The following TMEFF1 variants were observed in gnomAD, a reference collection of about 807,000 sequenced individuals.
TMEFF1 encodes the protein tomoregulin-1.
A neutral mutation model predicts 47.5 loss-of-function variants in TMEFF1; 20 were observed. That is an observed-to-expected ratio of 0.42 (90% CI 0.30 to 0.61). The LOEUF (loss-of-function observed/expected upper bound fraction) is 0.61, where lower values mean the gene tolerates loss of function less well. Ranked by LOEUF, TMEFF1 falls within the 20% of genes least tolerant of loss-of-function variation. The pLI is 0.19. For missense variants in TMEFF1, 411 were observed against 471.1 expected (o/e 0.87, Z 1.18); for synonymous variants, 162 against 166.3 (o/e 0.97, Z 0.20).
At chr9:100,475,059 GTCT>G (rs1053951294) in intron 1 of TMEFF1, among the ~76,000 whole-genome samples, 9 of 152,074 alleles carry the variant, frequency 5.9e-5, no homozygotes, top group African/African-American at 2.2e-4. Flanking sequence ...GCCTTCTCTT[GTCT>G]TCTTTAAACC....
chr9:100,493,808 CAAAG>C (rs1176437799), intron 1 of TMEFF1, among the ~76,000 whole-genome samples: 4 of 152,198 alleles, frequency 2.6e-5, no homozygotes, highest in Admixed American at 1.3e-4. Flanking sequence ...TACTTGAAAA[CAAAG>C]AACATTCAGA....
Position 100,532,195 on chromosome 9 carries a change from T to C in TMEFF1, c.560+15424T>C, listed in dbSNP as rs564611192. ...CATAGGCATGGGCAAGGACTTCATG[T>C]CTAAAACACCAAAAGCAATGGCAAC... On this transcript the variant is annotated intron_variant, in intron 5 of 9. Transcript: ENST00000374879. Among the ~76,000 whole-genome samples the C allele has an allele frequency of 4.6e-4, 70 of 151,736 alleles. 1 individual carries two copies. In the East Asian group the frequency reaches 0.013, roughly 27 times the overall value.
intron 5 of TMEFF1, among the ~76,000 whole-genome samples, chr9:100,541,347 C>CT (rs748303966): frequency 1.5e-5 from 2 of 131,438 alleles, no homozygotes; most frequent in African/African-American, 2.8e-5. Flanking sequence ...TTGGCAATTT[C>CT]ATTTTTTTTT....
At chr9:100,571,398 G>A (rs11788350) in intron 8 of TMEFF1, among the ~76,000 whole-genome samples, 4,279 of 152,164 alleles carry the variant, frequency 0.028, 74 homozygotes, top group Middle Eastern at 0.055. Flanking sequence ...GTCACTGGAT[G>A]GAGTATTATA....
chr9:100,494,834 T>G lies in TMEFF1; in HGVS notation c.197-3931T>G, dbSNP rs530693914. On this transcript the variant is annotated intron_variant, in intron 1 of 9. Coordinates refer to ENST00000374879, the MANE Select transcript of TMEFF1 (RefSeq NM_003692.5). ...TCCATTCATGAGCTTGTGACATTCA[T>G]GACCTGACCTGTGTTCTCATGAAAC... 9.2e-5 allele frequency among the ~76,000 whole-genome samples: 14 copies of G among 152,346 alleles called. No homozygotes were observed. In the South Asian group the frequency reaches 2.7e-3, roughly 29 times the overall value.
chr9:100,574,095 G>A (rs1239543326), intron 9 of TMEFF1, among the ~76,000 whole-genome samples: 1 of 152,236 alleles, frequency 6.6e-6, no homozygotes, highest in Non-Finnish European at 1.5e-5. Flanking sequence ...AAGGTTCCAT[G>A]TTGAGTCATC....
chr9:100,484,220 C>A (rs1837402982), intron 1 of TMEFF1, among the ~76,000 whole-genome samples: 1 of 152,130 alleles, frequency 6.6e-6, no homozygotes, highest in Non-Finnish European at 1.5e-5. Context: ...ATCTGTGCTA[C>A]CCTCCATCAT....
chr9:100,533,712 C>T (rs1265199700), intron 5 of TMEFF1, among the ~76,000 whole-genome samples: 1 of 150,240 alleles, frequency 6.7e-6, no homozygotes, highest in Non-Finnish European at 1.5e-5. Context: ...TATTTTTTGT[C>T]TTTTTATTTT....
intron 5 of TMEFF1, among the ~76,000 whole-genome samples, chr9:100,521,497 C>T (rs1838159197): frequency 6.6e-6 from 1 of 152,194 alleles, no homozygotes; most frequent in Non-Finnish European, 1.5e-5. Flanking sequence ...TTGAAAACAG[C>T]CTTCCTTTAC....
chr9:100,506,832 T>TTG (rs1837873458), intron 2 of TMEFF1, among the ~76,000 whole-genome samples: 1 of 152,070 alleles, frequency 6.6e-6, no homozygotes, highest in Non-Finnish European at 1.5e-5. Context: ...TTGCCTAACT[T>TTG]TGTTAGCTTT....
intron 5 of TMEFF1, among the ~76,000 whole-genome samples, chr9:100,537,102 G>T (rs1838528007): frequency 6.6e-6 from 1 of 152,178 alleles, no homozygotes; most frequent in Non-Finnish European, 1.5e-5. Context: ...GACAATAGTG[G>T]TGACATGTTT....
At chr9:100,555,857 A>G (rs1046545265) in intron 7 of TMEFF1, among the ~76,000 whole-genome samples, 2 of 152,164 alleles carry the variant, frequency 1.3e-5, no homozygotes, top group South Asian at 4.1e-4. Context: ...GTGCTTTCAC[A>G]TATTTATGTT....
intron 8 of TMEFF1, among the ~76,000 whole-genome samples, chr9:100,564,413 A>C (rs572987499): frequency 2.6e-5 from 4 of 152,320 alleles, no homozygotes; most frequent in African/African-American, 4.8e-5. Flanking sequence ...TGATTGACTT[A>C]TTAATGCCAA....
At chr9:100,508,638 A>G (rs544656713) in intron 2 of TMEFF1, among the ~76,000 whole-genome samples, 1 of 151,626 alleles carries the variant, frequency 6.6e-6, no homozygotes, top group East Asian at 1.9e-4. Context: ...ATTTTTTTCT[A>G]TTTTTATGAT....
intron 3 of TMEFF1, among the ~76,000 whole-genome samples, chr9:100,511,029 G>A (rs1431989619): frequency 2.6e-5 from 4 of 152,198 alleles, no homozygotes; most frequent in South Asian, 4.1e-4. Flanking sequence ...GTTACCTTCC[G>A]GAAGCAGAGG....
At chr9:100,506,206 T>C (rs1250923822) in intron 2 of TMEFF1, among the ~76,000 whole-genome samples, 1 of 152,094 alleles carries the variant, frequency 6.6e-6, no homozygotes, top group African/African-American at 2.4e-5. Flanking sequence ...TTTTTAAAAG[T>C]AGATAAATGA....
At chr9:100,486,430 T>A (rs141039830) in intron 1 of TMEFF1, among the ~76,000 whole-genome samples, 2,081 of 152,142 alleles carry the variant, frequency 0.014, 19 homozygotes, top group Middle Eastern at 0.027. Context: ...TTAGTAAAGA[T>A]GGGGTTTCAC....
chr9:100,568,562 A>C (rs1165463003), intron 8 of TMEFF1, among the ~76,000 whole-genome samples: 9 of 150,570 alleles, frequency 6.0e-5, no homozygotes, highest in Non-Finnish European at 1.3e-4. Flanking sequence ...TTTTGTGTCA[A>C]CTGTCCTCCC....
chr9:100,475,239 G>T, intron 1 of TMEFF1, among the ~76,000 whole-genome samples: 1 of 152,096 alleles, frequency 6.6e-6, no homozygotes, highest in East Asian at 1.9e-4. Flanking sequence ...CAAGCCTTTG[G>T]CCCGCTATTT....
Sources: gnomAD v4.1 joint callset for allele counts (sites outside exome capture counted in the v4.1 genomes callset) on GRCh38, gnomAD v4.1.1 for gene constraint, MANE v1.5 for transcripts, NCBI Gene and HGNC (gene_info 2026-07-23, HGNC 2026-07-21) for gene names.